CACUL1: variants seen among roughly 807,000 people sequenced by gnomAD.
The protein encoded by CACUL1 is CDK2-associated and cullin domain-containing protein 1.
In CACUL1, 13 loss-of-function variants were observed where a neutral mutation model predicts 45.2. The ratio of observed to expected loss-of-function variants is 0.29; its 90% CI spans 0.19 to 0.46. The LOEUF (loss-of-function observed/expected upper bound fraction) is 0.46. CACUL1 is among the 20% of genes least tolerant of loss of function. CACUL1 has a pLI of 1.00. For synonymous variants in CACUL1, 197 were observed against 174.2 expected (o/e 1.13, Z -1.03); for missense variants, 421 against 471.4 (o/e 0.89, Z 0.99).
intron 3 of CACUL1, among the ~76,000 whole-genome samples, chr10:118,716,305 ATTT>A (rs143046882): frequency 8.7e-4 from 126 of 145,048 alleles, no homozygotes; most frequent in African/African-American, 1.8e-3. Context: ...CCATTTTGGT[ATTT>A]TTTTTTTTTT....
intron 7 of CACUL1, among the ~76,000 whole-genome samples, chr10:118,689,733 G>A (rs1456968221): frequency 6.6e-6 from 1 of 152,140 alleles, no homozygotes; most frequent in Non-Finnish European, 1.5e-5. Context: ...TCTTATTCCA[G>A]TACCAAAATT....
chr10:118,703,482 G>C (rs1589605963), intron 4 of CACUL1, among the ~76,000 whole-genome samples: 1 of 152,194 alleles, frequency 6.6e-6, no homozygotes, highest in East Asian at 1.9e-4. Flanking sequence ...AGTCCCTACT[G>C]ATAATACAAA....
chr10:118,704,708 C>T (rs1589606377), intron 4 of CACUL1, among the ~76,000 whole-genome samples: 1 of 152,204 alleles, frequency 6.6e-6, no homozygotes, highest in South Asian at 2.1e-4. Flanking sequence ...AATCAGCATG[C>T]ACTCCCCATT....
chr10:118,702,805 C>T (rs1390971195), intron 4 of CACUL1, among the ~76,000 whole-genome samples: 1 of 152,150 alleles, frequency 6.6e-6, no homozygotes, highest in Non-Finnish European at 1.5e-5. Flanking sequence ...TGGTCTCAAA[C>T]TCCTGACCTC....
chr10:118,727,988 A>T (rs1845666585), intron 3 of CACUL1, among the ~76,000 whole-genome samples: 1 of 152,248 alleles, frequency 6.6e-6, no homozygotes, highest in Non-Finnish European at 1.5e-5. Flanking sequence ...AGCACTAAAC[A>T]TATGTGTTAA....
intron 1 of CACUL1, among the ~76,000 whole-genome samples, chr10:118,745,558 C>T (rs1422344943): frequency 2.0e-5 from 3 of 148,810 alleles, no homozygotes; most frequent in African/African-American, 7.4e-5. Flanking sequence ...GAGACTCCGT[C>T]TCAAAAAAAA....
chr10:118,746,846 A>T (rs2119678534), intron 1 of CACUL1, among the ~76,000 whole-genome samples: 1 of 152,344 alleles, frequency 6.6e-6, no homozygotes, highest in Middle Eastern at 3.4e-3. Context: ...GCACATGTAA[A>T]AGAGAAATGC....
chr10:118,718,968 A>G (rs1845573892), intron 3 of CACUL1, among the ~76,000 whole-genome samples: 1 of 152,258 alleles, frequency 6.6e-6, no homozygotes, highest in African/African-American at 2.4e-5. Flanking sequence ...CTAAGACCAA[A>G]AAAACAAAAA....
rs2119535703 is a variant in CACUL1 at position 118,684,491 on chromosome 10, C to T, written c.*1637G>A. 1 of 152,332 alleles carries T rather than the reference C, an allele frequency of 6.6e-6. No homozygotes were observed. The highest frequency in any genetic ancestry group is 1.9e-4 in the East Asian group (1 of 5,186). 9.4% of individuals were successfully genotyped at this position (152,332 alleles called of 1,614,324 possible). A position where few individuals can be genotyped will look rare whatever the true frequency, so the allele number is the denominator to read the frequency against. On this transcript the variant is annotated 3_prime_UTR_variant, in exon 9 of 9. Coordinates refer to ENST00000369151, the MANE Select transcript of CACUL1 (RefSeq NM_153810.5). ...GTAATTCAGTGTTCATCGATGCAAT[C>T]CAGGATGCTCACAGAGTGAATTGAG...
chr10:118,706,734 T>C (rs1419008205), intron 4 of CACUL1, among the ~76,000 whole-genome samples: 1 of 152,206 alleles, frequency 6.6e-6, no homozygotes, highest in Non-Finnish European at 1.5e-5. Flanking sequence ...AAGAAATAAG[T>C]GTAAATGAAA....
At chr10:118,725,147 A>G (rs1845639937) in intron 3 of CACUL1, among the ~76,000 whole-genome samples, 1 of 152,226 alleles carries the variant, frequency 6.6e-6, no homozygotes, top group Admixed American at 6.5e-5. Flanking sequence ...AGAAAAATAA[A>G]AATAAATAGA....
intron 3 of CACUL1, among the ~76,000 whole-genome samples, chr10:118,722,147 G>A (rs1351199804): frequency 2.7e-5 from 4 of 150,248 alleles, no homozygotes; most frequent in African/African-American, 7.4e-5. Flanking sequence ...GCAATGGTGC[G>A]ATCTCGGCTC....
intron 6 of CACUL1, 46 bp downstream of exon 6, chr10:118,695,095 G>A: frequency 3.5e-6 from 4 of 1,141,450 alleles, no homozygotes; most frequent in Non-Finnish European, 5.3e-6. Flanking sequence ...CTTGGAAAAG[G>A]CTGTAACAAA....
At chr10:118,709,543 A>T (rs1295513715) in intron 3 of CACUL1, among the ~76,000 whole-genome samples, 1 of 152,226 alleles carries the variant, frequency 6.6e-6, no homozygotes, top group East Asian at 1.9e-4. Flanking sequence ...AGCATGGTAC[A>T]AAACACAATG....
At position 118,681,623 on chromosome 10, in the gene CACUL1, G is replaced by A. The variant is rs1172420753; in HGVS notation, c.*4505C>T. 6.6e-6 allele frequency: 1 copy of A among 152,158 alleles called. No individual in the cohort carries two copies. Among genetic ancestry groups the A allele is most frequent in the African/African-American group, 2.4e-5 (1 of 41,430 alleles). The allele number at this position is 152,158 out of a possible 1,614,324, so 9.4% of individuals were successfully genotyped here. A position where few individuals can be genotyped will look rare whatever the true frequency, so the allele number is the denominator to read the frequency against. On this transcript the variant is annotated 3_prime_UTR_variant, in exon 9 of 9. Coordinates refer to ENST00000369151, the MANE Select transcript of CACUL1 (RefSeq NM_153810.5). ...ATTTTTCTAAACAATGCAGTCCAGA[G>A]ATGAAGATAATTTCCAACCAGCAGG...
At chr10:118,754,090 A>G (rs1845926570) in intron 1 of CACUL1, among the ~76,000 whole-genome samples, 2 of 152,254 alleles carry the variant, frequency 1.3e-5, no homozygotes, top group South Asian at 2.1e-4. Flanking sequence ...AGAGCTTCCC[A>G]ATGTTGAGAG....
rs1845156066 is a variant in CACUL1 at position 118,681,781 on chromosome 10, C to T, written c.*4347G>A. 6.6e-6 allele frequency: 1 copy of T among 152,236 alleles called. No individual in the cohort carries two copies. Among genetic ancestry groups the T allele is most frequent in the South Asian group, 2.1e-4 (1 of 4,824 alleles). 9.4% of individuals were successfully genotyped at this position (152,236 alleles called of 1,614,324 possible). Reference sequence around the variant, plus strand: ...TGCCACTCGGCTCTGAAAAGAGGTTCAAGGTGGGTCAAGGTGGGTCTTGGC... The same window carrying T: ...TGCCACTCGGCTCTGAAAAGAGGTTTAAGGTGGGTCAAGGTGGGTCTTGGC... On this transcript the variant is annotated 3_prime_UTR_variant, in exon 9 of 9. Coordinates refer to ENST00000369151, the MANE Select transcript of CACUL1 (RefSeq NM_153810.5).
chr10:118,709,067 C>A (rs959459301), intron 3 of CACUL1, among the ~76,000 whole-genome samples: 31 of 152,318 alleles, frequency 2.0e-4, no homozygotes, highest in African/African-American at 7.5e-4. Flanking sequence ...CATCAGTTAA[C>A]ACATATTTTG....
intron 8 of CACUL1, 27 bp from the exon 9 acceptor site, chr10:118,686,195 G>A (rs947884594): frequency 1.3e-6 from 2 of 1,593,666 alleles, no homozygotes; most frequent in South Asian, 2.2e-5. Context: ...ATAGGAAAAA[G>A]TATGAAGAGC....
Sources: allele counts gnomAD v4.1 joint callset (sites outside exome capture counted in the v4.1 genomes callset), GRCh38; gene constraint gnomAD v4.1.1; transcripts MANE v1.5; gene names NCBI Gene and HGNC (gene_info 2026-07-23, HGNC 2026-07-21).